Variants in MYO18B observed in about 807,000 individuals in gnomAD.
The protein encoded by MYO18B is myosin XVIIIB.
Under a neutral mutation model 273.0 loss-of-function variants are expected in MYO18B, and 204 were observed. The observed-to-expected ratio is 0.75, with a 90% CI of 0.67 to 0.84. The LOEUF (loss-of-function observed/expected upper bound fraction) is 0.84. Among genes scored for constraint, MYO18B ranks in the 40% least tolerant of loss-of-function variants. The probability of loss-of-function intolerance (pLI) is 0.00; values close to 1 mark genes in which losing one functional copy is unlikely to be tolerated. For synonymous variants in MYO18B, 1,330 were observed against 1,305.7 expected (o/e 1.02, Z -0.40); for missense variants, 3,212 against 3,287.6 (o/e 0.98, Z 0.56).
At chr22:25,924,429 C>T (rs189578539) in intron 34 of MYO18B, among the ~76,000 whole-genome samples, 5 of 152,174 alleles carry the variant, frequency 3.3e-5, no homozygotes, top group Non-Finnish European at 7.3e-5. Flanking sequence ...AGTGAGACAG[C>T]GGTGGTACCC....
intron 21 of MYO18B, among the ~76,000 whole-genome samples, chr22:25,855,967 G>A (rs974808811): frequency 6.6e-6 from 1 of 152,038 alleles, no homozygotes; most frequent in Non-Finnish European, 1.5e-5. Flanking sequence ...GCAATAGGTA[G>A]TTTTTCAGTC....
chr22:25,749,182 G>C (rs1248608046), intron 1 of MYO18B, among the ~76,000 whole-genome samples: 3 of 152,098 alleles, frequency 2.0e-5, no homozygotes, highest in Non-Finnish European at 4.4e-5. Context: ...ATCAGTCAAG[G>C]GCCCACTAGA....
At chr22:26,034,420 G>A (rs1209277528), downstream of MYO18B, among the ~76,000 whole-genome samples, 1 of 152,184 alleles carries the variant, frequency 6.6e-6, no homozygotes, top group Non-Finnish European at 1.5e-5. Context: ...TCACTCATTT[G>A]GAAAATAGGT....
At chr22:25,918,138 T>G (rs1486525527) in intron 33 of MYO18B, among the ~76,000 whole-genome samples, 1 of 152,174 alleles carries the variant, frequency 6.6e-6, no homozygotes, top group Non-Finnish European at 1.5e-5. Flanking sequence ...GTGCACCATC[T>G]TTTTTTCATA....
chr22:25,781,973 G>C, intron 10 of MYO18B, 139 bp downstream of exon 10: 1 of 570,014 alleles, frequency 1.8e-6, no homozygotes, highest in Non-Finnish European at 2.8e-6. Flanking sequence ...TCCGATTCCA[G>C]CTGTCTGGGT....
Position 25,768,553 on chromosome 22 carries a change from G to A in MYO18B, c.637G>A (p.Ala213Thr), listed in dbSNP as rs757312086. The A allele has an allele frequency of 3.0e-5, 46 of 1,543,142 alleles. No individual in the cohort carries two copies. The highest frequency in any genetic ancestry group is 1.4e-4 in the African/African-American group (10 of 72,362). Residue 213 changes from alanine to threonine, a missense_variant, in exon 4 of 44, where the codon GCT becomes ACT. Ala to Thr is a moderately conservative substitution (Grantham distance 58, BLOSUM62 0). Transcript: ENST00000335473. ...QASTEILAPK[A>T]EKTRTGGLGD... is the part of the protein sequence containing the mutation. The stretch of plus-strand genomic sequence containing the variant: ...CAGCACCGAGATCTTGGCCCCGAAA[G>A]CTGAGAAGACCCGGACTGGGGGTCT...
intron 42 of MYO18B, among the ~76,000 whole-genome samples, chr22:26,016,854 C>T (rs540943897): frequency 7.9e-5 from 12 of 152,242 alleles, no homozygotes; most frequent in Admixed American, 3.3e-4. Flanking sequence ...GGCCAGAGGG[C>T]GGAAAGGCTT....
the MYO18B span, among the ~76,000 whole-genome samples, chr22:26,046,108 A>G: frequency 6.6e-6 from 1 of 152,244 alleles, no homozygotes; most frequent in Non-Finnish European, 1.5e-5. Flanking sequence ...TTCAGTAAGT[A>G]TCAGTTTGTA....
chr22:25,921,210 G>A (rs1339943749), intron 33 of MYO18B, 47 bp from the exon 34 acceptor site: 23 of 1,522,018 alleles, frequency 1.5e-5, no homozygotes, highest in South Asian at 1.2e-4. Context: ...TTAGACCCTG[G>A]CCACTGCTTT....
intron 39 of MYO18B, among the ~76,000 whole-genome samples, chr22:25,977,499 C>T (rs1318359408): frequency 1.3e-5 from 2 of 151,978 alleles, no homozygotes; most frequent in Non-Finnish European, 2.9e-5. Flanking sequence ...TGAATTGTGA[C>T]CTGACAGTGA....
chr22:25,778,053 C>A (rs893188540), intron 8 of MYO18B, among the ~76,000 whole-genome samples: 5 of 152,156 alleles, frequency 3.3e-5, no homozygotes, highest in African/African-American at 1.2e-4. Context: ...TACTTGACTG[C>A]CATCTGCTGG....
intron 34 of MYO18B, among the ~76,000 whole-genome samples, chr22:25,944,787 C>T (rs1333687349): frequency 6.8e-6 from 1 of 146,718 alleles, no homozygotes; most frequent in African/African-American, 2.6e-5. Context: ...GTGGAGGTCG[C>T]AGTGAGCTGA....
intron 33 of MYO18B, 21 bp from the exon 34 acceptor site, chr22:25,921,236 G>A: frequency 1.3e-6 from 2 of 1,543,948 alleles, no homozygotes; most frequent in East Asian, 4.9e-5. Flanking sequence ...CTAAGCTCAT[G>A]GGTCTCCCTT....
intron 39 of MYO18B, among the ~76,000 whole-genome samples, chr22:25,957,699 T>G (rs1335170789): frequency 6.6e-6 from 1 of 152,168 alleles, no homozygotes; most frequent in East Asian, 1.9e-4. Flanking sequence ...TCCTTGCCTC[T>G]TCCAGCTTCT....
In MYO18B at chr22:25,835,358, G is replaced by C. The variant is rs781392126; in HGVS notation, c.3123G>C (p.Glu1041Asp). Residue 1041 changes from glutamate to aspartate, a missense_variant, in exon 17 of 44, where the codon GAG (glutamate) becomes GAC (aspartate). By Grantham distance (45) the Glu-to-Asp change is conservative. Coordinates refer to ENST00000335473, the MANE Select transcript of MYO18B (RefSeq NM_032608.7). ...DARGLFWVLD[E>D]EVHVEGSSDS... ...GAGGCCTTTTCTGGGTCTTAGATGA[G>C]GAAGTCCATGTAGAGGGCTCCAGTG... is the stretch of plus-strand genomic sequence containing the variant. The C allele has an allele frequency of 6.2e-7, 1 of 1,613,984 alleles. No individual in the cohort carries two copies. Among genetic ancestry groups the C allele is most frequent in the Non-Finnish European group, 8.5e-7 (1 of 1,179,896 alleles).
chr22:25,794,415 G>A (rs2087816766), intron 11 of MYO18B, among the ~76,000 whole-genome samples: 2 of 149,562 alleles, frequency 1.3e-5, no homozygotes, highest in African/African-American at 5.0e-5. Context: ...CTCTTGCTCA[G>A]GCTAGTCAAC....
chr22:25,946,185 G>A lies in MYO18B; in HGVS notation c.5566G>A (p.Val1856Met). The change falls in exon 35 of 44, where the codon GTG becomes ATG. Residue 1856 changes from valine to methionine, a missense_variant. Coordinates refer to ENST00000335473, the MANE Select transcript of MYO18B (RefSeq NM_032608.7). ...TGAGGAGGCCTTGAAGACGCAGAAG[G>A]TGCTCACAGCGGACCTGGAGAGCAT... Reference protein sequence around the residue: ...KCEEALKTQKVLTADLESMHS... With the variant: ...KCEEALKTQKMLTADLESMHS... 1.3e-6 allele frequency: 2 copies of A among 1,582,946 alleles called. No homozygotes were observed. Among genetic ancestry groups the A allele is most frequent in the Non-Finnish European group, 1.7e-6 (2 of 1,167,128 alleles).
chr22:25,927,035 T>C (rs889036182), intron 34 of MYO18B, among the ~76,000 whole-genome samples: 45 of 152,234 alleles, frequency 3.0e-4, no homozygotes, highest in Non-Finnish European at 6.0e-4. Context: ...GTCTTTACTT[T>C]AATCTCTTAA....
intron 34 of MYO18B, among the ~76,000 whole-genome samples, chr22:25,943,354 C>T (rs556382105): frequency 6.5e-4 from 99 of 152,318 alleles, no homozygotes; most frequent in African/African-American, 2.1e-3. Flanking sequence ...AGGACCATGG[C>T]GATCCCCTCA....
Sources: allele counts gnomAD v4.1 joint callset (sites outside exome capture counted in the v4.1 genomes callset), GRCh38; gene constraint gnomAD v4.1.1; transcripts MANE v1.5; gene names NCBI Gene and HGNC (gene_info 2026-07-23, HGNC 2026-07-21).